OSBPL9: variants seen among roughly 807,000 people sequenced by gnomAD.
OSBPL9 encodes oxysterol binding protein like 9.
OSBPL9 carries 40 observed loss-of-function variants against 106.6 expected under a neutral mutation model. The ratio of observed to expected loss-of-function variants is 0.38; its 90% CI spans 0.29 to 0.49. OSBPL9 has a LOEUF of 0.49. Ranked by LOEUF, OSBPL9 falls within the 20% of genes least tolerant of loss-of-function variation. The pLI, the probability that OSBPL9 is intolerant of heterozygous loss-of-function variation, is 0.97. For missense variants in OSBPL9, 609 were observed against 887.2 expected (o/e 0.69, Z 3.98); for synonymous variants, 269 against 295.4 (o/e 0.91, Z 0.92).
chr1:51,554,623 G>T, the OSBPL9 span, among the ~76,000 whole-genome samples: 1 of 152,182 alleles, frequency 6.6e-6, no homozygotes, highest in Non-Finnish European at 1.5e-5. Flanking sequence ...CAGTGAACAT[G>T]AGTTCTTTCT....
chr1:51,673,575 G>A (rs1650442476), intron 3 of OSBPL9, among the ~76,000 whole-genome samples: 1 of 152,212 alleles, frequency 6.6e-6, no homozygotes, highest in Non-Finnish European at 1.5e-5. Context: ...CACACAGGTG[G>A]GAGCAGTGTC....
chr1:51,600,791 C>A (rs1645322435), intron 2 of OSBPL9, among the ~76,000 whole-genome samples: 1 of 152,172 alleles, frequency 6.6e-6, no homozygotes, highest in Non-Finnish European at 1.5e-5. Context: ...GTAACTAGAG[C>A]ACTTGGCACA....
chr1:51,701,301 A>G (rs1279569512), intron 3 of OSBPL9, among the ~76,000 whole-genome samples: 1 of 152,122 alleles, frequency 6.6e-6, no homozygotes, highest in Non-Finnish European at 1.5e-5. Flanking sequence ...TTATTCAATT[A>G]TTTTATATTA....
At chr1:51,711,772 A>G (rs1207850329) in intron 3 of OSBPL9, among the ~76,000 whole-genome samples, 1 of 145,690 alleles carries the variant, frequency 6.9e-6, no homozygotes, top group Non-Finnish European at 1.5e-5. Context: ...CACATCCCAG[A>G]TGGGGCGGCG....
chr1:51,653,105 T>C (rs1646619320), intron 2 of OSBPL9, among the ~76,000 whole-genome samples: 1 of 152,116 alleles, frequency 6.6e-6, no homozygotes, highest in African/African-American at 2.4e-5. Flanking sequence ...GTATGGGAGA[T>C]TTGCAGGATG....
chr1:51,624,389 A>G lies in OSBPL9; in HGVS notation c.111+7168A>G, dbSNP rs535534070. On this transcript the variant is annotated intron_variant, in intron 1 of 23. Coordinates refer to ENST00000428468, the MANE Select transcript of OSBPL9 (RefSeq NM_024586.6). ...GGTCACTTGAGGTCAGGAGTTCAAG[A>G]CAAGCCTGACCAACATGGTAAAACC... 1.8e-3 allele frequency among the ~76,000 whole-genome samples: 279 copies of G among 152,100 alleles called. 6 individuals are homozygous for G. The highest frequency in any genetic ancestry group is 6.0e-3 in the East Asian group (31 of 5,132).
chr1:51,606,967 G>A (rs907944020), intron 2 of OSBPL9, among the ~76,000 whole-genome samples: 15 of 151,756 alleles, frequency 9.9e-5, no homozygotes, highest in African/African-American at 1.4e-4. Flanking sequence ...GGAGAATGGC[G>A]TGAACCCGGG....
At chr1:51,627,669 T>A (rs1307947750) in intron 1 of OSBPL9, among the ~76,000 whole-genome samples, 4 of 152,228 alleles carry the variant, frequency 2.6e-5, no homozygotes, top group Non-Finnish European at 5.9e-5. Context: ...ACTTTTTCAT[T>A]AATGTATTAA....
chr1:51,764,688 T>A (rs1672211430), intron 11 of OSBPL9, among the ~76,000 whole-genome samples: 1 of 151,886 alleles, frequency 6.6e-6, no homozygotes, highest in Admixed American at 6.6e-5. Flanking sequence ...GATTAAGTGA[T>A]CCTGCCCCAG....
chr1:51,676,854 ACTT>A (rs1353664533), intron 3 of OSBPL9, among the ~76,000 whole-genome samples: 1 of 152,224 alleles, frequency 6.6e-6, no homozygotes, highest in African/African-American at 2.4e-5. Flanking sequence ...ATGTTCCATT[ACTT>A]CGTAGAAATA....
At chr1:51,605,018 C>T (rs1029723074) in intron 2 of OSBPL9, among the ~76,000 whole-genome samples, 13 of 152,172 alleles carry the variant, frequency 8.5e-5, no homozygotes, top group African/African-American at 3.1e-4. Context: ...TATGCTTTTG[C>T]CCTACTACAT....
chr1:51,611,797 A>T (rs904640145), intron 2 of OSBPL9, among the ~76,000 whole-genome samples: 1 of 152,158 alleles, frequency 6.6e-6, no homozygotes, highest in African/African-American at 2.4e-5. Flanking sequence ...CAACATGGTG[A>T]AACCCTGTCT....
intron 1 of OSBPL9, among the ~76,000 whole-genome samples, chr1:51,632,393 A>G (rs562547696): frequency 9.2e-4 from 140 of 152,276 alleles, no homozygotes; most frequent in Admixed American, 3.3e-3. Context: ...GAAGACATTG[A>G]AATTTAAGAG....
the OSBPL9 span, among the ~76,000 whole-genome samples, chr1:51,525,925 G>A: frequency 6.6e-6 from 1 of 151,922 alleles, no homozygotes; most frequent in Admixed American, 6.6e-5. Flanking sequence ...CACCTAGACC[G>A]GAGTGCAGTG....
chr1:51,650,997 C>A (rs1306419055), intron 1 of OSBPL9, among the ~76,000 whole-genome samples: 1 of 152,190 alleles, frequency 6.6e-6, no homozygotes, highest in African/African-American at 2.4e-5. Context: ...AAGTCAGATA[C>A]AATTCCTACC....
chr1:51,745,517 G>A lies in OSBPL9; in HGVS notation c.319-19G>A. The A allele has an allele frequency of 6.2e-7, 1 of 1,608,048 alleles. No homozygotes were observed. The highest frequency in any genetic ancestry group is 8.5e-7 in the Non-Finnish European group (1 of 1,176,754). ...TTGCTTGGGTTCTGGTAGATTTATTGCAAATTCTCTTTCTCTAGGGTTTGG... is the reference window on the plus strand; with the variant it reads ...TTGCTTGGGTTCTGGTAGATTTATTACAAATTCTCTTTCTCTAGGGTTTGG... On this transcript the variant is annotated intron_variant, in intron 4 of 23. Transcript: ENST00000428468.
intron 1 of OSBPL9, among the ~76,000 whole-genome samples, chr1:51,637,911 T>G (rs554212757): frequency 6.6e-6 from 1 of 152,326 alleles, no homozygotes; most frequent in Non-Finnish European, 1.5e-5. Flanking sequence ...TACCAGAATG[T>G]AACAGGTTTA....
chr1:51,660,223 A>T (rs964907166), intron 2 of OSBPL9, among the ~76,000 whole-genome samples: 2 of 152,192 alleles, frequency 1.3e-5, no homozygotes, highest in African/African-American at 2.4e-5. Context: ...AAACTTAGAA[A>T]AAAAGCATAG....
intron 12 of OSBPL9, 45 bp downstream of exon 12, chr1:51,766,026 T>A: frequency 6.7e-7 from 1 of 1,500,154 alleles, no homozygotes; most frequent in Non-Finnish European, 9.0e-7. Context: ...TCTCCTGATT[T>A]TTAAAAATCT....
Sources: allele counts gnomAD v4.1 joint callset (sites outside exome capture counted in the v4.1 genomes callset), GRCh38; gene constraint gnomAD v4.1.1; transcripts MANE v1.5; gene names NCBI Gene and HGNC (gene_info 2026-07-23, HGNC 2026-07-21).